RPP40: variants seen among roughly 807,000 people sequenced by gnomAD.
RPP40 encodes the protein ribonuclease P protein subunit p40.
A neutral mutation model predicts 42.5 loss-of-function variants in RPP40; 30 were observed. The ratio of observed to expected loss-of-function variants is 0.71; its 90% CI spans 0.53 to 0.96. RPP40 has a LOEUF of 0.96. Among genes scored for constraint, RPP40 ranks in the 40% least tolerant of loss-of-function variants. RPP40 has a pLI of 0.00. For missense variants in RPP40, 426 were observed against 433.5 expected, an observed-to-expected ratio of 0.98 and a Z score of 0.15; for synonymous variants, 173 against 164.0, an observed-to-expected ratio of 1.05 and a Z score of -0.42.
chr6:4,995,080 A>G lies in RPP40; in HGVS notation c.1090T>C (p.Ter364GlnextTer65). The G allele has an allele frequency of 6.2e-7, 1 of 1,604,594 alleles. No individual in the cohort carries two copies. The highest frequency in any genetic ancestry group is 8.5e-7 in the Non-Finnish European group (1 of 1,176,574). Residue 364 changes from the stop codon to glutamine, a stop_lost, in exon 8 of 8, where the codon TAA becomes CAA. Transcript: ENST00000380051. ...ACACGATTTTTAATTTTTATTTTTT[A>G]TGGTGGACAGTGATCATTTGCCCCA... ...AVGANDHCPP[*>Q]
At chr6:4,998,402 G>A (rs920456918) in intron 5 of RPP40, among the ~76,000 whole-genome samples, 9 of 152,158 alleles carry the variant, frequency 5.9e-5, no homozygotes, top group African/African-American at 2.2e-4. Flanking sequence ...TATAGTCAAG[G>A]CTGTTCAAGG....
chr6:4,995,440 C>T (rs1000413680), intron 7 of RPP40, among the ~76,000 whole-genome samples, 164 bp from the exon 8 acceptor site: 4 of 152,152 alleles, frequency 2.6e-5, no homozygotes, highest in Admixed American at 6.5e-5. Context: ...TTCCTGATGT[C>T]ACACTGTGAA....
intron 4 of RPP40, 26 bp from the exon 5 acceptor site, chr6:4,998,867 T>C (rs576400596): frequency 3.7e-5 from 50 of 1,341,360 alleles, no homozygotes; most frequent in Admixed American, 5.0e-5. Context: ...AAAGAACATA[T>C]ATTTCATTCA....
chr6:5,000,485 G>C, intron 3 of RPP40, 78 bp downstream of exon 3: 1 of 620,894 alleles, frequency 1.6e-6, no homozygotes, highest in African/African-American at 2.7e-5. Flanking sequence ...ACCGTGCCCA[G>C]CTGACTTTTT....
In RPP40 at chr6:5,003,949, C is replaced by T. The variant is rs1759675297; in HGVS notation, c.54G>A (p.Glu18=). 6.2e-7 allele frequency: 1 copy of T among 1,613,688 alleles called. No homozygotes were observed. Among genetic ancestry groups the T allele is most frequent in the Non-Finnish European group, 8.5e-7 (1 of 1,179,766 alleles). ...ACTTGTGGTTGCCGAAGTTGGATTTCTCGCAAACCAGTAAGTGCCGCGGCG... is the reference window on the plus strand; with the variant it reads ...ACTTGTGGTTGCCGAAGTTGGATTTTTCGCAAACCAGTAAGTGCCGCGGCG... ...REAPRHLLVC[E]KSNFGNHKSR... is the part of the protein sequence containing the mutation. The change falls in exon 1 of 8, where the codon GAG becomes GAA. Residue 18 remains glutamate, a synonymous_variant. Transcript: ENST00000380051.
At position 5,000,880 on chromosome 6, in the gene RPP40, T is replaced by TTGCAGAAGACCAAGCA. The variant is rs1491421841; in HGVS notation, c.269-265_269-250dup. On this transcript the variant is annotated intron_variant, in intron 2 of 7. Coordinates refer to ENST00000380051, the MANE Select transcript of RPP40 (RefSeq NM_006638.4). ...AGACCAAGCATGCAGAAGACAAAGC[T>TTGCAGAAGACCAAGCA]TGCAGAAGACCAAGCATGCAGAAGA... is the stretch of plus-strand genomic sequence containing the variant. Among the ~76,000 whole-genome samples, 175 of 118,074 alleles carry TTGCAGAAGACCAAGCA rather than the reference T, an allele frequency of 1.5e-3. 13 individuals carry two copies. Among genetic ancestry groups the TTGCAGAAGACCAAGCA allele is most frequent in the Non-Finnish European group, 2.1e-3 (115 of 55,862 alleles). The allele number at this position is 118,074 out of a possible 152,430, so 77.5% of individuals were successfully genotyped here.
rs201386488 is a variant in RPP40 at position 5,003,950 on chromosome 6, T to C, written c.53A>G (p.Glu18Gly). The change falls in exon 1 of 8, where the codon GAG (glutamate) becomes GGG (glycine). Residue 18 changes from glutamate to glycine, a missense_variant. Physicochemically the swap from Glu to Gly is moderately conservative, Grantham distance 98. Coordinates refer to ENST00000380051, the MANE Select transcript of RPP40 (RefSeq NM_006638.4). Reference sequence around the variant, plus strand: ...CTTGTGGTTGCCGAAGTTGGATTTCTCGCAAACCAGTAAGTGCCGCGGCGC... The same window carrying C: ...CTTGTGGTTGCCGAAGTTGGATTTCCCGCAAACCAGTAAGTGCCGCGGCGC... ...REAPRHLLVC[E>G]KSNFGNHKSR... The C allele has an allele frequency of 1.1e-4, 171 of 1,613,472 alleles. No homozygotes were observed. The highest frequency in any genetic ancestry group is 1.4e-4 in the Non-Finnish European group (164 of 1,179,750).
intron 1 of RPP40, 142 bp downstream of exon 1, chr6:5,003,735 TACA>T: frequency 9.3e-7 from 1 of 1,070,586 alleles, no homozygotes; most frequent in Non-Finnish European, 1.3e-6. Flanking sequence ...GTTAAGAGAC[TACA>T]ACTCCCAGCA....
chr6:4,995,023 A>G lies in RPP40; in HGVS notation c.*55T>C, dbSNP rs891931443. 2.1e-6 allele frequency: 3 copies of G among 1,455,542 alleles called. No homozygotes were observed. In the African/African-American group the frequency reaches 4.2e-5, roughly 20 times the overall value. 90.2% of individuals were successfully genotyped at this position (1,455,542 alleles called of 1,614,324 possible). On this transcript the variant is annotated 3_prime_UTR_variant, in exon 8 of 8. Transcript: ENST00000380051. ...TGGACACACAGACCTTTTACCATTA[A>G]GAAATCTGAAAGCAAGCGTAAATGT...
At chr6:5,003,081 G>T (rs963391818) in intron 1 of RPP40, among the ~76,000 whole-genome samples, 5 of 152,148 alleles carry the variant, frequency 3.3e-5, no homozygotes, top group African/African-American at 7.2e-5. Flanking sequence ...GGGCGCGGTG[G>T]CTCACGCCTG....
At chr6:4,996,524 G>T in intron 5 of RPP40, 104 bp from the exon 6 acceptor site, 1 of 1,024,072 alleles carries the variant, frequency 9.8e-7, no homozygotes, top group Non-Finnish European at 1.5e-6. Context: ...GTAAGATTGA[G>T]TAAGATGGAA....
chr6:5,000,681 CA>C (rs750732722), intron 2 of RPP40, 50 bp from the exon 3 acceptor site: 2 of 1,119,330 alleles, frequency 1.8e-6, no homozygotes, highest in South Asian at 2.6e-5. Flanking sequence ...ATTACACCTG[CA>C]AGATGTTAGT....
rs531524401 is a variant in RPP40, at chr6:4,997,914, C to T, written c.559+802G>A. Among the ~76,000 whole-genome samples the T allele has an allele frequency of 6.6e-5, 10 of 152,318 alleles. No homozygotes were observed. The South Asian group carries it at 1.9e-3, about 28-fold the overall frequency. On this transcript the variant is annotated intron_variant, in intron 5 of 7. Transcript: ENST00000380051. ...GAATAGGGAGCTATCCAGAATCCAA[C>T]GTCTGGATGATCTGCATAGAAGACT...
At chr6:4,995,358 T>A in intron 7 of RPP40, 82 bp from the exon 8 acceptor site, 1 of 959,512 alleles carries the variant, frequency 1.0e-6, no homozygotes, top group Non-Finnish European at 1.6e-6. Flanking sequence ...TCAGGATAAG[T>A]AGTATTTCTG....
downstream of RPP40, among the ~76,000 whole-genome samples, chr6:4,990,448 GA>G (rs1561740643): frequency 6.6e-6 from 1 of 152,102 alleles, no homozygotes; most frequent in Non-Finnish European, 1.5e-5. Flanking sequence ...TCTGGCCTCA[GA>G]TAATGAGGTG....
In RPP40 at chr6:4,995,001, A is replaced by T. The variant is rs1759325161; in HGVS notation, c.*77T>A. The T allele has an allele frequency of 1.6e-6, 2 of 1,249,096 alleles. No homozygotes were observed. The highest frequency in any genetic ancestry group is 2.2e-6 in the Non-Finnish European group (2 of 889,886). 77.4% of individuals were successfully genotyped at this position (1,249,096 alleles called of 1,614,324 possible). On this transcript the variant is annotated 3_prime_UTR_variant, in exon 8 of 8. Coordinates refer to ENST00000380051, the MANE Select transcript of RPP40 (RefSeq NM_006638.4). ...GTCACCATCACACAAGCCTGAGTGGACACACAGACCTTTTACCATTAAGAA... is the reference window on the plus strand; with the variant it reads ...GTCACCATCACACAAGCCTGAGTGGTCACACAGACCTTTTACCATTAAGAA...
chr6:4,996,283 C>T lies in RPP40; in HGVS notation c.697G>A (p.Val233Met). The T allele has an allele frequency of 6.2e-7, 1 of 1,614,152 alleles. No homozygotes were observed. Among genetic ancestry groups the T allele is most frequent in the Non-Finnish European group, 8.5e-7 (1 of 1,180,054 alleles). Residue 233 changes from valine (V) to methionine (M), a missense_variant, in exon 6 of 8, where the codon GTG (valine) becomes ATG (methionine). By Grantham distance (21) the Val-to-Met change is conservative. Transcript: ENST00000380051. ...AAGAGCTCCAGAGCCCGGCAGGACA[C>T]CTCTGGCGTTCCCTCCAGCTCGCTG... ...QSSELEGTPEVSCRALELFDW... is the reference protein window; with the variant it reads ...QSSELEGTPEMSCRALELFDW...
chr6:4,996,114 G>T (rs755063249), intron 6 of RPP40, 29 bp from the exon 7 acceptor site: 2 of 1,611,534 alleles, frequency 1.2e-6, no homozygotes, highest in Non-Finnish European at 1.7e-6. Context: ...AAGAGAGAGA[G>T]ATAACACATG....
chr6:5,001,019 C>T (rs1759540305), intron 2 of RPP40: 4 of 462,800 alleles, frequency 8.6e-6, no homozygotes, highest in South Asian at 4.7e-5. Flanking sequence ...CCAGCTAGTT[C>T]ACTCCCTGAC....
Sources: allele counts gnomAD v4.1 joint callset (sites outside exome capture counted in the v4.1 genomes callset), GRCh38; gene constraint gnomAD v4.1.1; transcripts MANE v1.5; gene names NCBI Gene and HGNC (gene_info 2026-07-23, HGNC 2026-07-21).